The following GPC6 variants were observed in gnomAD, a reference collection of about 807,000 sequenced individuals.
GPC6 encodes glypican 6, also known as glypican-6.
In GPC6, 14 loss-of-function variants were observed where a neutral mutation model predicts 55.2. The ratio of observed to expected loss-of-function variants is 0.25; its 90% CI spans 0.17 to 0.40. GPC6 has a LOEUF of 0.40. Among genes scored for constraint, GPC6 ranks in the 10% least tolerant of loss-of-function variants. GPC6 has a pLI of 1.00. For synonymous variants in GPC6, 278 were observed against 259.6 expected, an observed-to-expected ratio of 1.07 and a Z score of -0.68; for missense variants, 641 against 708.5, an observed-to-expected ratio of 0.90 and a Z score of 1.08.
chr13:93,413,310 G>A (rs1876581926), intron 1 of GPC6, among the ~76,000 whole-genome samples: 2 of 152,056 alleles, frequency 1.3e-5, no homozygotes, highest in African/African-American at 4.8e-5. Context: ...ATTATTGCAG[G>A]GTTTAATAAT....
intron 1 of GPC6, among the ~76,000 whole-genome samples, chr13:93,267,704 C>T (rs1877371177): frequency 6.6e-6 from 1 of 152,106 alleles, no homozygotes; most frequent in African/African-American, 2.4e-5. Flanking sequence ...TTTTGGGAAA[C>T]AATGCCAAAT....
chr13:94,320,095 A>G (rs1250692597), intron 6 of GPC6, among the ~76,000 whole-genome samples: 1 of 152,168 alleles, frequency 6.6e-6, no homozygotes, highest in African/African-American at 2.4e-5. Context: ...AGCTGGTAAT[A>G]ATGTATTTAC....
At chr13:93,223,703 C>T (rs190648387), upstream of GPC6, among the ~76,000 whole-genome samples, 32 of 152,228 alleles carry the variant, frequency 2.1e-4, no homozygotes, top group African/African-American at 7.7e-4. Flanking sequence ...CTTAGCGTCC[C>T]AAAGTGGTAG....
At chr13:93,554,473 G>T (rs1167133330) in intron 2 of GPC6, among the ~76,000 whole-genome samples, 1 of 152,110 alleles carries the variant, frequency 6.6e-6, no homozygotes, top group Non-Finnish European at 1.5e-5. Context: ...TCCTTGGTAA[G>T]TGTGATTGAA....
intron 4 of GPC6, among the ~76,000 whole-genome samples, chr13:94,034,201 G>GAAAGAAGA (rs1442925708): frequency 5.4e-5 from 1 of 18,554 alleles, no homozygotes; most frequent in East Asian, 8.8e-4. Context: ...AAGAAAGAAA[G>GAAAGAAGA]AAGGAAGGAA....
At chr13:94,174,634 T>C (rs1461728129) in intron 4 of GPC6, among the ~76,000 whole-genome samples, 1 of 152,136 alleles carries the variant, frequency 6.6e-6, no homozygotes, top group Admixed American at 6.6e-5. Context: ...GTAGATGACA[T>C]GCTATTTAGC....
At chr13:94,097,274 G>C (rs1233527526) in intron 4 of GPC6, among the ~76,000 whole-genome samples, 3 of 151,958 alleles carry the variant, frequency 2.0e-5, no homozygotes, top group African/African-American at 7.2e-5. Context: ...AGGCCGAGGC[G>C]GGTGGATCAC....
intron 1 of GPC6, among the ~76,000 whole-genome samples, chr13:93,527,674 A>G (rs976124384): frequency 6.6e-6 from 1 of 152,120 alleles, no homozygotes; most frequent in Non-Finnish European, 1.5e-5. Flanking sequence ...TATTAATTGA[A>G]AAAGTGATGC....
chr13:94,045,938 A>G (rs983015486), intron 4 of GPC6, among the ~76,000 whole-genome samples: 3 of 151,924 alleles, frequency 2.0e-5, no homozygotes, highest in Non-Finnish European at 4.4e-5. Flanking sequence ...GTCCTAAAGG[A>G]AAGGTGTGAT....
chr13:93,410,142 T>C (rs986816626), intron 1 of GPC6, among the ~76,000 whole-genome samples: 1 of 152,214 alleles, frequency 6.6e-6, no homozygotes, highest in Non-Finnish European at 1.5e-5. Flanking sequence ...TAATATCTGC[T>C]GACCTGTTAA....
At chr13:93,457,457 C>A (rs565029898) in intron 1 of GPC6, among the ~76,000 whole-genome samples, 6 of 152,308 alleles carry the variant, frequency 3.9e-5, no homozygotes, top group South Asian at 2.1e-4. Flanking sequence ...TCTGTGATAA[C>A]AGATGACTCC....
intron 4 of GPC6, among the ~76,000 whole-genome samples, chr13:94,130,773 G>C (rs755935121): frequency 5.9e-5 from 9 of 152,070 alleles, no homozygotes; most frequent in Non-Finnish European, 1.2e-4. Flanking sequence ...GTAGAGAAAA[G>C]TTTTAATAAG....
intron 6 of GPC6, among the ~76,000 whole-genome samples, chr13:94,372,656 C>T (rs1472181159): frequency 2.6e-5 from 4 of 152,226 alleles, no homozygotes; most frequent in Non-Finnish European, 5.9e-5. Flanking sequence ...CGCCATTGCC[C>T]AGGCTTGATT....
intron 3 of GPC6, among the ~76,000 whole-genome samples, chr13:93,941,259 G>T (rs930811374): frequency 3.3e-5 from 5 of 152,180 alleles, no homozygotes; most frequent in Non-Finnish European, 7.3e-5. Flanking sequence ...TGAGTAAATA[G>T]AAGCTGAAAA....
chr13:93,679,457 A>G lies in GPC6; in HGVS notation c.319+134036A>G, dbSNP rs906194712. Among the ~76,000 whole-genome samples, 5 of 152,206 alleles carry G rather than the reference A, an allele frequency of 3.3e-5. No individual in the cohort carries two copies. In the East Asian group the frequency reaches 5.8e-4, roughly 18 times the overall value. ...TATCTAGACATGCCAAAAGAAAAGA[A>G]TGCTTATTTTTAAAATGATGTCCCT... On this transcript the variant is annotated intron_variant, in intron 2 of 8. Coordinates refer to ENST00000377047, the MANE Select transcript of GPC6 (RefSeq NM_005708.5).
chr13:93,907,769 A>G (rs1442833231), intron 3 of GPC6, among the ~76,000 whole-genome samples: 1 of 152,182 alleles, frequency 6.6e-6, no homozygotes, highest in Admixed American at 6.5e-5. Flanking sequence ...TTCGATAATC[A>G]GCATCAAAAT....
chr13:94,201,316 C>T (rs1444654308), intron 4 of GPC6, among the ~76,000 whole-genome samples: 10 of 152,090 alleles, frequency 6.6e-5, no homozygotes, highest in Non-Finnish European at 1.5e-4. Context: ...ATTGGCGCTG[C>T]GGGAGGAGAC....
At chr13:93,622,866 A>G (rs534007601) in intron 2 of GPC6, among the ~76,000 whole-genome samples, 2 of 152,224 alleles carry the variant, frequency 1.3e-5, no homozygotes, top group African/African-American at 2.4e-5. Context: ...TCTGCTATCT[A>G]TTTGTAATTC....
intron 1 of GPC6, among the ~76,000 whole-genome samples, chr13:93,489,258 T>C (rs1486037343): frequency 6.6e-6 from 1 of 151,516 alleles, no homozygotes; most frequent in Non-Finnish European, 1.5e-5. Flanking sequence ...TTTTGTCAGG[T>C]TTGTCAAAGA....
Sources: gnomAD v4.1 joint callset for allele counts (sites outside exome capture counted in the v4.1 genomes callset) on GRCh38, gnomAD v4.1.1 for gene constraint, MANE v1.5 for transcripts, NCBI Gene and HGNC (gene_info 2026-07-23, HGNC 2026-07-21) for gene names.